Variants in SHISA9 observed in about 807,000 individuals in gnomAD.
SHISA9 encodes the protein protein shisa-9.
In SHISA9, 13 loss-of-function variants were observed where a neutral mutation model predicts 38.0. The ratio of observed to expected loss-of-function variants is 0.34; its 90% CI spans 0.22 to 0.54. The LOEUF (loss-of-function observed/expected upper bound fraction) is 0.54. SHISA9 is among the 20% of genes least tolerant of loss of function. SHISA9 has a pLI of 0.91. For missense variants in SHISA9, 538 were observed against 575.8 expected (o/e 0.93, Z 0.67); for synonymous variants, 275 against 242.0 (o/e 1.14, Z -1.27).
intron 2 of SHISA9, among the ~76,000 whole-genome samples, chr16:13,039,485 GTTT>G (rs5815735): frequency 0.086 from 10,912 of 126,764 alleles, 684 homozygotes; most frequent in African/African-American, 0.19. Flanking sequence ...ATGTCATGGG[GTTT>G]TTTTTTTTTT....
the SHISA9 span, among the ~76,000 whole-genome samples, chr16:13,461,579 C>CAAA: frequency 7.1e-3 from 891 of 126,132 alleles, 5 homozygotes; most frequent in African/African-American, 0.025. Flanking sequence ...AACTCCCTCT[C>CAAA]AAAAAAAAAA....
At chr16:13,136,457 G>A (rs2141991779) in intron 2 of SHISA9, among the ~76,000 whole-genome samples, 1 of 128,684 alleles carries the variant, frequency 7.8e-6, no homozygotes, top group South Asian at 2.4e-4. Context: ...GGAATGCAAT[G>A]GTGTAATCTC....
chr16:13,362,014 A>G, the SHISA9 span, among the ~76,000 whole-genome samples: 1 of 152,094 alleles, frequency 6.6e-6, no homozygotes. Context: ...TGTGACCTTG[A>G]GTGATTCACT....
intron 2 of SHISA9, among the ~76,000 whole-genome samples, chr16:12,936,590 A>G (rs1009332029): frequency 1.3e-5 from 2 of 152,232 alleles, no homozygotes; most frequent in Non-Finnish European, 2.9e-5. Flanking sequence ...TTTGCTTCAG[A>G]CAGACTCACT....
intron 2 of SHISA9, among the ~76,000 whole-genome samples, chr16:13,042,700 A>G (rs2073146030): frequency 6.6e-6 from 1 of 152,188 alleles, no homozygotes; most frequent in East Asian, 1.9e-4. Flanking sequence ...GCCCTAATTA[A>G]GATATGTGCC....
chr16:13,271,621 G>T, the SHISA9 span, among the ~76,000 whole-genome samples: 1 of 152,110 alleles, frequency 6.6e-6, no homozygotes, highest in Non-Finnish European at 1.5e-5. Flanking sequence ...AAGTGAAAAA[G>T]AAAAGAAAAA....
chr16:12,985,204 C>T (rs2072291125), intron 2 of SHISA9, among the ~76,000 whole-genome samples: 1 of 128,434 alleles, frequency 7.8e-6, no homozygotes, highest in African/African-American at 3.1e-5. Flanking sequence ...CAAATATCTA[C>T]ACTATATCTG....
At chr16:13,429,464 C>T in the SHISA9 span, among the ~76,000 whole-genome samples, 1 of 152,252 alleles carries the variant, frequency 6.6e-6, no homozygotes, top group African/African-American at 2.4e-5. Context: ...TAGTGTTTTC[C>T]TGGGTGTCTT....
the SHISA9 span, among the ~76,000 whole-genome samples, chr16:13,258,122 T>C: frequency 6.6e-6 from 1 of 152,196 alleles, no homozygotes. Context: ...TGCCATCTAC[T>C]CTCTAATCTT....
chr16:13,032,568 T>C (rs2073004709), intron 2 of SHISA9, among the ~76,000 whole-genome samples: 1 of 152,232 alleles, frequency 6.6e-6, no homozygotes, highest in Non-Finnish European at 1.5e-5. Context: ...TATAATGCAG[T>C]AATTTTTAGA....
the SHISA9 span, among the ~76,000 whole-genome samples, chr16:13,302,095 C>G: frequency 5.9e-5 from 9 of 152,018 alleles, no homozygotes; most frequent in Admixed American, 5.9e-4. Context: ...CTGCACTGGT[C>G]CTTTCTTCCT....
At chr16:13,177,190 C>G (rs1018146127) in intron 2 of SHISA9, among the ~76,000 whole-genome samples, 14 of 152,190 alleles carry the variant, frequency 9.2e-5, no homozygotes, top group African/African-American at 3.4e-4. Context: ...AACCCCCTCT[C>G]AGAGAACATA....
At chr16:13,518,267 A>G in the SHISA9 span, among the ~76,000 whole-genome samples, 3 of 146,226 alleles carry the variant, frequency 2.1e-5, no homozygotes, top group African/African-American at 7.6e-5. Flanking sequence ...TCGGTGGTTC[A>G]GAAAAATTCT....
In SHISA9 at chr16:13,237,483, T is replaced by A. The variant is rs2051396825; in HGVS notation, c.*2074T>A. 1 of 151,810 alleles carries A rather than the reference T, an allele frequency of 6.6e-6. No individual in the cohort carries two copies. Among genetic ancestry groups the A allele is most frequent in the African/African-American group, 2.4e-5 (1 of 41,312 alleles). 9.4% of individuals were successfully genotyped at this position (151,810 alleles called of 1,614,324 possible). A position where few individuals can be genotyped will look rare whatever the true frequency, so the allele number is the denominator to read the frequency against. ...TTTGAGATCAGCCTGGTCAACATGG[T>A]GAAACCCCGTCTCTACTAAAAATAC... is the stretch of plus-strand genomic sequence containing the variant. On this transcript the variant is annotated 3_prime_UTR_variant, in exon 5 of 5. Coordinates refer to ENST00000558583, the MANE Select transcript of SHISA9 (RefSeq NM_001145204.3).
intron 2 of SHISA9, among the ~76,000 whole-genome samples, chr16:12,998,274 A>G (rs1379655917): frequency 2.6e-5 from 4 of 152,244 alleles, no homozygotes; most frequent in Non-Finnish European, 5.9e-5. Context: ...GTACCACTGT[A>G]GAAAAATAAG....
chr16:12,931,786 T>A (rs996881236), intron 2 of SHISA9, among the ~76,000 whole-genome samples: 7 of 152,132 alleles, frequency 4.6e-5, no homozygotes, highest in African/African-American at 1.7e-4. Flanking sequence ...GATTGCTAGG[T>A]CAGATGAAGT....
the SHISA9 span, among the ~76,000 whole-genome samples, chr16:13,478,366 G>A: frequency 6.6e-6 from 1 of 152,166 alleles, no homozygotes; most frequent in African/African-American, 2.4e-5. Context: ...AATCAGTGCT[G>A]TGTTCACAAA....
the SHISA9 span, among the ~76,000 whole-genome samples, chr16:13,487,976 C>G: frequency 1.3e-5 from 2 of 152,174 alleles, no homozygotes; most frequent in Non-Finnish European, 2.9e-5. Context: ...AGGGATCTCA[C>G]TCAATGAGAC....
At chr16:12,952,848 T>C (rs1475264274) in intron 2 of SHISA9, among the ~76,000 whole-genome samples, 2 of 152,176 alleles carry the variant, frequency 1.3e-5, no homozygotes, top group Non-Finnish European at 2.9e-5. Flanking sequence ...AGTAGCTTTA[T>C]AGCACTGTGA....
Sources: allele counts gnomAD v4.1 joint callset (sites outside exome capture counted in the v4.1 genomes callset), GRCh38; gene constraint gnomAD v4.1.1; transcripts MANE v1.5; gene names NCBI Gene and HGNC (gene_info 2026-07-23, HGNC 2026-07-21).